The following HSF2BP variants were observed in gnomAD, a reference collection of about 807,000 sequenced individuals.
The protein encoded by HSF2BP is heat shock transcription factor 2 binding protein.
A neutral mutation model predicts 35.0 loss-of-function variants in HSF2BP; 35 were observed. That is an observed-to-expected ratio of 1.00 (90% CI 0.76 to 1.32). The LOEUF (loss-of-function observed/expected upper bound fraction) is 1.32. HSF2BP is among the 40% of genes most tolerant of loss of function. The pLI is 0.00. For synonymous variants in HSF2BP, 114 were observed against 117.4 expected, an observed-to-expected ratio of 0.97 and a Z score of 0.18; for missense variants, 326 against 321.7, an observed-to-expected ratio of 1.01 and a Z score of -0.10.
chr21:43,604,398 T>TAC (rs200583665), intron 7 of HSF2BP, among the ~76,000 whole-genome samples: 1 of 47,660 alleles, frequency 2.1e-5, no homozygotes, highest in Non-Finnish European at 4.0e-5. Flanking sequence ...CCACACACAC[T>TAC]ACACACACAC....
intron 4 of HSF2BP, among the ~76,000 whole-genome samples, chr21:43,640,567 G>A (rs2147064115): frequency 6.6e-6 from 1 of 152,312 alleles, no homozygotes; most frequent in African/African-American, 2.4e-5. Flanking sequence ...CAGAATTGAT[G>A]AAATACAAAG....
chr21:43,658,292 T>C lies in HSF2BP; in HGVS notation c.-196A>G. ...TGGCGAGGTCCCTCTTTGGCTCTTCTGGCTTAGCCGGGGTTTTAAACTTGT... is the reference window on the plus strand; with the variant it reads ...TGGCGAGGTCCCTCTTTGGCTCTTCCGGCTTAGCCGGGGTTTTAAACTTGT... On this transcript the variant is annotated 5_prime_UTR_variant, in exon 2 of 9. Transcript: ENST00000291560. The C allele has an allele frequency of 1.6e-6, 1 of 607,882 alleles. No individual in the cohort carries two copies. The highest frequency in any genetic ancestry group is 2.1e-5 in the South Asian group (1 of 46,920). The allele number at this position is 607,882 out of a possible 1,614,324, so 37.7% of individuals were successfully genotyped here.
At position 43,636,761 on chromosome 21, in the gene HSF2BP, G is replaced by A. The variant is rs1250477015; in HGVS notation, c.292-3340C>T. On this transcript the variant is annotated intron_variant, in intron 4 of 8. Transcript: ENST00000291560. ...ACAAAAATTAGCTGGGTGTGGTGGC[G>A]TAAGCCTGTAATCCCAGCTGCTCAG... Among the ~76,000 whole-genome samples, 5 of 151,716 alleles carry A rather than the reference G, an allele frequency of 3.3e-5. No individual in the cohort carries two copies. The East Asian group carries it at 5.9e-4, about 18-fold the overall frequency.
intron 8 of HSF2BP, among the ~76,000 whole-genome samples, chr21:43,581,395 A>G (rs536035627): frequency 7.2e-5 from 11 of 152,046 alleles, no homozygotes; most frequent in Non-Finnish European, 1.2e-4. Context: ...CAAAAAAAAA[A>G]AAAGAAAGAA....
chr21:43,590,437 A>C (rs60787346), intron 8 of HSF2BP, among the ~76,000 whole-genome samples: 37,985 of 152,142 alleles, frequency 0.25, 5,598 homozygotes, highest in Non-Finnish European at 0.32. Context: ...ATAAAAACTA[A>C]CATGCACCTA....
At chr21:43,655,515 T>C (rs575718789) in intron 3 of HSF2BP, among the ~76,000 whole-genome samples, 2 of 152,230 alleles carry the variant, frequency 1.3e-5, no homozygotes, top group South Asian at 4.1e-4. Flanking sequence ...CAGCAAGAGC[T>C]AGGACTACGG....
chr21:43,573,652 C>T (rs1440610409), intron 8 of HSF2BP, among the ~76,000 whole-genome samples: 1 of 152,188 alleles, frequency 6.6e-6, no homozygotes, highest in African/African-American at 2.4e-5. Flanking sequence ...TTGGTCTCTG[C>T]CTTCTCCCTC....
chr21:43,639,773 G>A (rs2082611833), intron 4 of HSF2BP, among the ~76,000 whole-genome samples: 1 of 151,962 alleles, frequency 6.6e-6, no homozygotes, highest in African/African-American at 2.4e-5. Context: ...CCCAGTAATT[G>A]TACTCTCGGG....
At chr21:43,638,628 T>C (rs1048290307) in intron 4 of HSF2BP, among the ~76,000 whole-genome samples, 9 of 152,174 alleles carry the variant, frequency 5.9e-5, no homozygotes, top group African/African-American at 1.9e-4. Context: ...CTGAAAATAA[T>C]TGTAAACTGC....
chr21:43,595,568 G>A (rs992907872), intron 7 of HSF2BP, among the ~76,000 whole-genome samples: 1 of 151,864 alleles, frequency 6.6e-6, no homozygotes, highest in Non-Finnish European at 1.5e-5. Flanking sequence ...TGAGGTGGGA[G>A]GATCACTTGA....
At chr21:43,652,400 C>CAAAAAA (rs35714746) in intron 3 of HSF2BP, among the ~76,000 whole-genome samples, 1 of 89,358 alleles carries the variant, frequency 1.1e-5, no homozygotes, top group Non-Finnish European at 2.3e-5. Flanking sequence ...CAGACACCAT[C>CAAAAAA]AAAAAAAAAA....
intron 6 of HSF2BP, among the ~76,000 whole-genome samples, chr21:43,624,712 C>T (rs1205632489): frequency 1.3e-5 from 2 of 152,146 alleles, no homozygotes; most frequent in Non-Finnish European, 2.9e-5. Flanking sequence ...TATTTGAATA[C>T]ATAAACCAGA....
intron 4 of HSF2BP, among the ~76,000 whole-genome samples, chr21:43,640,859 A>C (rs1458748245): frequency 6.6e-6 from 1 of 152,146 alleles, no homozygotes. Context: ...ATTACAATGC[A>C]AAAAAATTTT....
intron 7 of HSF2BP, among the ~76,000 whole-genome samples, chr21:43,601,040 T>C (rs780342050): frequency 2.0e-5 from 3 of 152,368 alleles, no homozygotes; most frequent in African/African-American, 7.2e-5. Context: ...ATTTATCTGT[T>C]CTCCATCTTG....
rs138711250 is a variant in HSF2BP, at chr21:43,657,240, G to A, written c.37-503C>T. 2.7e-4 allele frequency among the ~76,000 whole-genome samples: 41 copies of A among 152,272 alleles called. 1 individual carries two copies. The East Asian group carries it at 7.5e-3, about 28-fold the overall frequency. ...CAAAAATTAGCCAGGTGTGGTGGCCGGCGCCTGTACGCAGCAGGCTGACAC... is the reference window on the plus strand; with the variant it reads ...CAAAAATTAGCCAGGTGTGGTGGCCAGCGCCTGTACGCAGCAGGCTGACAC... On this transcript the variant is annotated intron_variant, in intron 2 of 8. Transcript: ENST00000291560.
intron 7 of HSF2BP, among the ~76,000 whole-genome samples, chr21:43,593,786 TAAAG>T (rs2081954699): frequency 6.6e-6 from 1 of 151,434 alleles, no homozygotes; most frequent in Non-Finnish European, 1.5e-5. Context: ...AAAAACAGAT[TAAAG>T]AAAGATAAAA....
chr21:43,608,080 C>T (rs1352740880), intron 7 of HSF2BP, among the ~76,000 whole-genome samples: 2 of 151,706 alleles, frequency 1.3e-5, no homozygotes, highest in East Asian at 1.9e-4. Flanking sequence ...GCAACAAAAC[C>T]GAAAATTGAC....
intron 4 of HSF2BP, among the ~76,000 whole-genome samples, chr21:43,637,437 G>C (rs1242494732): frequency 1.3e-5 from 2 of 151,940 alleles, no homozygotes; most frequent in African/African-American, 2.4e-5. Context: ...ATATGTGATG[G>C]AAATGTTCTA....
At chr21:43,603,323 T>C (rs1337264507) in intron 7 of HSF2BP, among the ~76,000 whole-genome samples, 1 of 152,098 alleles carries the variant, frequency 6.6e-6, no homozygotes, top group Non-Finnish European at 1.5e-5. Flanking sequence ...CACCAGGCCC[T>C]GGGAGCACAA....
Sources: gnomAD v4.1 joint callset for allele counts (sites outside exome capture counted in the v4.1 genomes callset) on GRCh38, gnomAD v4.1.1 for gene constraint, MANE v1.5 for transcripts, NCBI Gene and HGNC (gene_info 2026-07-23, HGNC 2026-07-21) for gene names.